Variants in NCOA7 observed in about 807,000 individuals in gnomAD.
NCOA7 encodes the protein nuclear receptor coactivator 7.
In NCOA7, 45 loss-of-function variants were observed where a neutral mutation model predicts 104.3. The ratio of observed to expected loss-of-function variants is 0.43; its 90% confidence interval spans 0.34 to 0.55. The LOEUF (loss-of-function observed/expected upper bound fraction) is 0.55. NCOA7 is among the 20% of genes least tolerant of loss of function. The pLI, the probability that NCOA7 is intolerant of heterozygous loss-of-function variation, is 0.02. For synonymous variants in NCOA7, 398 were observed against 402.3 expected (o/e 0.99, Z 0.13); for missense variants, 1,041 against 1,119.7 (o/e 0.93, Z 1.00).
intron 2 of NCOA7, among the ~76,000 whole-genome samples, chr6:125,837,025 T>C (rs1583334356): frequency 6.6e-6 from 1 of 152,280 alleles, no homozygotes; most frequent in East Asian, 1.9e-4. Context: ...GGGGTAGTTA[T>C]CTCCTCACAA....
chr6:125,829,054 G>T (rs749448807), intron 2 of NCOA7, among the ~76,000 whole-genome samples: 2 of 151,850 alleles, frequency 1.3e-5, no homozygotes, highest in Admixed American at 6.6e-5. Context: ...TTCCATAAGA[G>T]AATTTTTTAA....
At chr6:125,906,536 TG>T (rs1562168490) in intron 10 of NCOA7, among the ~76,000 whole-genome samples, 1 of 152,150 alleles carries the variant, frequency 6.6e-6, no homozygotes, top group Non-Finnish European at 1.5e-5. Flanking sequence ...TTATTGTGTT[TG>T]TTTCTGTGGG....
intron 11 of NCOA7, among the ~76,000 whole-genome samples, chr6:125,918,839 A>G (rs1160497504): frequency 6.6e-6 from 1 of 151,718 alleles, no homozygotes; most frequent in African/African-American, 2.4e-5. Flanking sequence ...AATGAAGCCT[A>G]CCTCCACCGA....
chr6:125,897,086 C>G (rs1785086253), intron 10 of NCOA7, among the ~76,000 whole-genome samples: 1 of 152,182 alleles, frequency 6.6e-6, no homozygotes, highest in Non-Finnish European at 1.5e-5. Context: ...TTTGTGCTTT[C>G]ACAATAAAAA....
At chr6:125,925,199 G>A (rs767539968) in intron 13 of NCOA7, among the ~76,000 whole-genome samples, 36 of 152,216 alleles carry the variant, frequency 2.4e-4, no homozygotes, top group Middle Eastern at 6.8e-3. Flanking sequence ...GAGTTCTAAA[G>A]CTCTACCCAA....
intron 3 of NCOA7, among the ~76,000 whole-genome samples, chr6:125,857,576 T>A (rs551199602): frequency 6.4e-4 from 97 of 151,968 alleles, no homozygotes; most frequent in Admixed American, 5.4e-3. Flanking sequence ...TTTTTTTTTT[T>A]TATATACAGA....
intron 2 of NCOA7, 138 bp from the exon 3 acceptor site, chr6:125,854,882 T>C: frequency 6.6e-6 from 4 of 607,926 alleles, no homozygotes; most frequent in Non-Finnish European, 1.1e-5. Context: ...GAACAATACA[T>C]GTAATGAACC....
chr6:125,868,830 G>A (rs1782641702), intron 3 of NCOA7, among the ~76,000 whole-genome samples: 1 of 152,142 alleles, frequency 6.6e-6, no homozygotes, highest in South Asian at 2.1e-4. Context: ...CTTTAGTAGA[G>A]TTACTGATGG....
chr6:125,785,399 G>A (rs954926894), intron 1 of NCOA7, among the ~76,000 whole-genome samples: 2 of 152,126 alleles, frequency 1.3e-5, no homozygotes, highest in Non-Finnish European at 2.9e-5. Flanking sequence ...CAATTTCCTA[G>A]TTTTGATATT....
intron 2 of NCOA7, among the ~76,000 whole-genome samples, chr6:125,822,250 C>T (rs1778259219): frequency 6.6e-6 from 1 of 152,192 alleles, no homozygotes; most frequent in South Asian, 2.1e-4. Flanking sequence ...TGTGTTGATA[C>T]ATAAAACGCA....
rs370742286 is a variant in NCOA7 at position 125,878,928 on chromosome 6, G to C, written c.459+558G>C. On this transcript the variant is annotated intron_variant, in intron 5 of 15. Coordinates refer to ENST00000392477, the MANE Select transcript of NCOA7 (RefSeq NM_181782.5). The stretch of plus-strand genomic sequence containing the variant: ...TGGCGGCTGCTCACCTCTCTTTACA[G>C]TGCAGTCAACTGTTTAAGCACAGGA... Among the ~76,000 whole-genome samples, 56 of 152,304 alleles carry C rather than the reference G, an allele frequency of 3.7e-4. No homozygotes were observed. The South Asian group carries it at 0.012, about 32-fold the overall frequency.
At chr6:125,882,832 A>G (rs1005986449) in intron 7 of NCOA7, among the ~76,000 whole-genome samples, 2 of 152,202 alleles carry the variant, frequency 1.3e-5, no homozygotes, top group Non-Finnish European at 1.5e-5. Context: ...TATACTGTAC[A>G]TATAACAGCA....
intron 3 of NCOA7, among the ~76,000 whole-genome samples, chr6:125,856,513 C>T (rs1206487939): frequency 1.3e-5 from 2 of 152,006 alleles, no homozygotes; most frequent in Non-Finnish European, 1.5e-5. Context: ...CCACCACGCC[C>T]GGCTAATTTT....
rs557136275 is a variant in NCOA7 at position 125,821,130 on chromosome 6, C to T, written c.50+5726C>T. On this transcript the variant is annotated intron_variant, in intron 2 of 15. Transcript: ENST00000392477. ...GGATTGGGTTTGTCAGAGACCTGGG[C>T]TGGTCATCTTTAGCTATGATCAGCA... Among the ~76,000 whole-genome samples, 18 of 152,158 alleles carry T rather than the reference C, an allele frequency of 1.2e-4. No individual in the cohort carries two copies. In the South Asian group the frequency reaches 3.7e-3, roughly 32 times the overall value.
intron 13 of NCOA7, among the ~76,000 whole-genome samples, chr6:125,927,113 A>G (rs1033365323): frequency 6.6e-6 from 1 of 152,216 alleles, no homozygotes; most frequent in Non-Finnish European, 1.5e-5. Flanking sequence ...GAACTAAACT[A>G]TAGTAAGTCA....
chr6:125,888,806 A>G (rs1784426435), intron 8 of NCOA7, 133 bp from the exon 9 acceptor site: 1 of 553,282 alleles, frequency 1.8e-6, no homozygotes, highest in South Asian at 3.6e-5. Flanking sequence ...TCATTTGAAC[A>G]TAAATTTAAG....
chr6:125,826,422 A>T (rs1463905777), intron 2 of NCOA7, among the ~76,000 whole-genome samples: 1 of 152,036 alleles, frequency 6.6e-6, no homozygotes, highest in African/African-American at 2.4e-5. Context: ...AATATATGTA[A>T]TCTTTACCTC....
At chr6:125,882,358 T>C (rs905182810) in intron 6 of NCOA7, 68 bp from the exon 7 acceptor site, 2 of 1,524,406 alleles carry the variant, frequency 1.3e-6, no homozygotes, top group African/African-American at 2.8e-5. Flanking sequence ...TTTATGGGGC[T>C]TGATTTATAC....
In NCOA7 at chr6:125,922,786, A is replaced by G. The variant is rs1159303058; in HGVS notation, c.2475A>G (p.Ala825=). ...TSLKTLYRKS[A]SLDSPVLLVI... ...TAAAGACGCTCTACCGGAAATCGGC[A>G]TCACTAGACAGTCCTGTCCTATTGG... Residue 825 remains alanine (A), a synonymous_variant, in exon 13 of 16, where the codon GCA becomes GCG. Coordinates refer to ENST00000392477, the MANE Select transcript of NCOA7 (RefSeq NM_181782.5). The G allele has an allele frequency of 6.2e-7, 1 of 1,614,176 alleles. No homozygotes were observed. The highest frequency in any genetic ancestry group is 2.2e-5 in the East Asian group (1 of 44,886).
Sources: gnomAD v4.1 joint callset for allele counts (sites outside exome capture counted in the v4.1 genomes callset) on GRCh38, gnomAD v4.1.1 for gene constraint, MANE v1.5 for transcripts, NCBI Gene and HGNC (gene_info 2026-07-23, HGNC 2026-07-21) for gene names.